The following EDIL3 variants were observed in gnomAD, a reference collection of about 807,000 sequenced individuals.
EDIL3 encodes the protein EGF like and discoidin domains 3.
EDIL3 carries 37 observed loss-of-function variants against 67.4 expected under a neutral mutation model. The ratio of observed to expected loss-of-function variants is 0.55; its 90% CI spans 0.42 to 0.72. The LOEUF (loss-of-function observed/expected upper bound fraction) is 0.72. Among genes scored for constraint, EDIL3 ranks in the 30% least tolerant of loss-of-function variants. The probability of loss-of-function intolerance (pLI) is 0.00; values close to 1 mark genes in which losing one functional copy is unlikely to be tolerated. For missense variants in EDIL3, 527 were observed against 586.3 expected, an observed-to-expected ratio of 0.90 and a Z score of 1.04; for synonymous variants, 195 against 196.3, an observed-to-expected ratio of 0.99 and a Z score of 0.05.
At chr5:84,284,415 A>G (rs1020620925) in intron 1 of EDIL3, among the ~76,000 whole-genome samples, 1 of 151,856 alleles carries the variant, frequency 6.6e-6, no homozygotes, top group Non-Finnish European at 1.5e-5. Flanking sequence ...CACTTGTCCT[A>G]TTTACTGGTC....
intron 6 of EDIL3, among the ~76,000 whole-genome samples, chr5:84,104,017 C>A (rs561008185): frequency 6.6e-6 from 1 of 152,030 alleles, no homozygotes; most frequent in Non-Finnish European, 1.5e-5. Context: ...TACATAGACA[C>A]CATGGAATAC....
At chr5:84,311,508 T>C (rs944123666) in intron 1 of EDIL3, among the ~76,000 whole-genome samples, 2 of 152,014 alleles carry the variant, frequency 1.3e-5, no homozygotes, top group Non-Finnish European at 2.9e-5. Flanking sequence ...CTTTAACGTG[T>C]TGGTTGTAAT....
chr5:84,133,409 G>T (rs1461102057), intron 5 of EDIL3, among the ~76,000 whole-genome samples: 1 of 145,816 alleles, frequency 6.9e-6, no homozygotes, highest in Non-Finnish European at 1.5e-5. Flanking sequence ...GATCATTCAA[G>T]GTCAGGAGTT....
At chr5:84,262,955 G>A (rs1217383097) in intron 1 of EDIL3, among the ~76,000 whole-genome samples, 2 of 151,898 alleles carry the variant, frequency 1.3e-5, no homozygotes, top group East Asian at 1.9e-4. Flanking sequence ...ATAGGCATGA[G>A]CCACCGCGCC....
chr5:84,017,527 T>C (rs957025779), intron 9 of EDIL3, among the ~76,000 whole-genome samples: 1 of 152,186 alleles, frequency 6.6e-6, no homozygotes, highest in African/African-American at 2.4e-5. Flanking sequence ...GAAAAGTTTA[T>C]GACTTACTGT....
At chr5:84,327,267 T>C (rs993428274) in intron 1 of EDIL3, among the ~76,000 whole-genome samples, 1 of 152,030 alleles carries the variant, frequency 6.6e-6, no homozygotes, top group Non-Finnish European at 1.5e-5. Flanking sequence ...AATCTCACCA[T>C]GCCTTTTTAA....
At chr5:84,245,683 G>T (rs966769715) in intron 2 of EDIL3, among the ~76,000 whole-genome samples, 1 of 151,996 alleles carries the variant, frequency 6.6e-6, no homozygotes, top group Admixed American at 6.6e-5. Flanking sequence ...GTCTTCTATA[G>T]ATTGCTTTTC....
intron 9 of EDIL3, among the ~76,000 whole-genome samples, chr5:84,013,583 A>G (rs1046097308): frequency 3.3e-5 from 5 of 152,148 alleles, no homozygotes; most frequent in Admixed American, 3.3e-4. Context: ...TCATGTATTC[A>G]TTCATTCTAT....
At chr5:84,373,116 C>G (rs1352139091) in intron 1 of EDIL3, among the ~76,000 whole-genome samples, 7 of 152,086 alleles carry the variant, frequency 4.6e-5, no homozygotes, top group Non-Finnish European at 1.0e-4. Flanking sequence ...GTTTTAATTT[C>G]ATGTCATCTT....
intron 1 of EDIL3, among the ~76,000 whole-genome samples, chr5:84,298,416 G>A (rs760855915): frequency 4.6e-5 from 7 of 152,078 alleles, no homozygotes; most frequent in Non-Finnish European, 1.0e-4. Flanking sequence ...TTATAAGTGG[G>A]GGCTGACAAT....
intron 4 of EDIL3, among the ~76,000 whole-genome samples, chr5:84,163,819 T>C (rs944789973): frequency 6.6e-6 from 1 of 152,170 alleles, no homozygotes; most frequent in Non-Finnish European, 1.5e-5. Flanking sequence ...TTATCCATAC[T>C]AGAAAATGCT....
intron 1 of EDIL3, among the ~76,000 whole-genome samples, chr5:84,277,187 T>G (rs72776590): frequency 0.076 from 11,524 of 152,176 alleles, 588 homozygotes; most frequent in South Asian, 0.2. Flanking sequence ...TATGTTGAAA[T>G]TTTAACCCCC....
At chr5:84,208,960 G>T (rs1474657530) in intron 3 of EDIL3, among the ~76,000 whole-genome samples, 4 of 152,092 alleles carry the variant, frequency 2.6e-5, no homozygotes, top group Admixed American at 2.6e-4. Flanking sequence ...CAATAGCAAA[G>T]ACTTGGAACC....
At position 83,943,444 on chromosome 5, in the gene EDIL3, A is replaced by G; in HGVS notation, c.1418T>C (p.Leu473Pro). ...TCATTCCTCCTCTGTGCAGCCCAGC[A>G]GCTCTGACCGCAATGTGATCCTCCC... ...WYGRITLRSELLGCTEEE is the reference protein window; with the variant it reads ...WYGRITLRSEPLGCTEEE Residue 473 changes from leucine to proline, a missense_variant, in exon 11 of 11, where the codon CTG becomes CCG. Leu to Pro is a moderately conservative substitution (Grantham distance 98). This residue lies in a region of EDIL3 where 33 missense variants were observed against 63.7 expected (regional missense o/e 0.52). Coordinates refer to ENST00000296591, the MANE Select transcript of EDIL3 (RefSeq NM_005711.5). The G allele has an allele frequency of 1.2e-6, 2 of 1,612,716 alleles. No homozygotes were observed. Among genetic ancestry groups the G allele is most frequent in the Non-Finnish European group, 8.5e-7 (1 of 1,179,190 alleles).
At chr5:84,267,692 C>T (rs899827599) in intron 1 of EDIL3, among the ~76,000 whole-genome samples, 1 of 152,064 alleles carries the variant, frequency 6.6e-6, no homozygotes, top group African/African-American at 2.4e-5. Context: ...GGATTTCATA[C>T]ATACATTTGA....
At chr5:84,063,821 C>T (rs754410787) in intron 8 of EDIL3, among the ~76,000 whole-genome samples, 46 of 152,206 alleles carry the variant, frequency 3.0e-4, no homozygotes, top group Middle Eastern at 3.4e-3. Flanking sequence ...GGAGCACACA[C>T]GCACTTTTAG....
intron 9 of EDIL3, among the ~76,000 whole-genome samples, chr5:83,986,680 G>T (rs949416850): frequency 9.9e-5 from 15 of 152,054 alleles, no homozygotes; most frequent in Admixed American, 1.3e-4. Flanking sequence ...CACAGAGGTG[G>T]GTCCCCTGCA....
At chr5:84,144,588 G>A (rs528089397) in intron 4 of EDIL3, among the ~76,000 whole-genome samples, 1 of 152,094 alleles carries the variant, frequency 6.6e-6, no homozygotes, top group African/African-American at 2.4e-5. Flanking sequence ...GAATTACATG[G>A]AGTTATAAAT....
chr5:84,123,708 A>G (rs1257618884), intron 5 of EDIL3, among the ~76,000 whole-genome samples: 10 of 151,880 alleles, frequency 6.6e-5, no homozygotes, highest in Admixed American at 6.6e-4. Context: ...AAGGTAGAAT[A>G]CTAAAAAAAC....
Sources: gnomAD v4.1 joint callset for allele counts (sites outside exome capture counted in the v4.1 genomes callset) on GRCh38, gnomAD v4.1.1 for gene constraint, gnomAD v4.1.1 regional missense constraint, MANE v1.5 for transcripts, NCBI Gene and HGNC (gene_info 2026-07-23, HGNC 2026-07-21) for gene names.